Variants in NLRC5 observed in about 807,000 individuals in gnomAD.
NLRC5 encodes the protein protein NLRC5.
In NLRC5, 114 loss-of-function variants were observed where a neutral mutation model predicts 206.9. That is an observed-to-expected ratio of 0.55 (90% CI 0.47 to 0.64). NLRC5 has a LOEUF of 0.64. Ranked by LOEUF, NLRC5 falls within the 30% of genes least tolerant of loss-of-function variation. The pLI is 0.00. For synonymous variants in NLRC5, 952 were observed against 962.8 expected, an observed-to-expected ratio of 0.99 and a Z score of 0.21; for missense variants, 2,008 against 2,305.5, an observed-to-expected ratio of 0.87 and a Z score of 2.64.
Position 57,020,778 on chromosome 16 carries a change from C to T in NLRC5, c.66C>T (p.Thr22=), listed in dbSNP as rs1470028914. 6 of 1,612,932 alleles carry T rather than the reference C, an allele frequency of 3.7e-6. No homozygotes were observed. Among genetic ancestry groups the T allele is most frequent in the Non-Finnish European group, 4.2e-6 (5 of 1,179,804 alleles). ...NLWSCLVRLL[T]KDPEWLNAKM... is the part of the protein sequence containing the mutation. ...GGAGCTGTCTTGTGAGGCTGCTCAC[C>T]AAAGACCCAGAATGGCTGAACGCCA... is the stretch of plus-strand genomic sequence containing the variant. Residue 22 remains threonine, a synonymous_variant, in exon 3 of 49, where the codon ACC becomes ACT. Coordinates refer to ENST00000688547, the MANE Select transcript of NLRC5 (RefSeq NM_001384950.1).
chr16:57,075,773 C>T (rs1480690333), intron 39 of NLRC5, among the ~76,000 whole-genome samples: 1 of 152,134 alleles, frequency 6.6e-6, no homozygotes. Flanking sequence ...TCCAAGTACA[C>T]CTCCTACCCC....
chr16:56,994,791 A>C (rs1323803569), intron 1 of NLRC5, among the ~76,000 whole-genome samples: 1 of 152,132 alleles, frequency 6.6e-6, no homozygotes, highest in African/African-American at 2.4e-5. Context: ...GGAGAAGAGG[A>C]GAAAATGCTG....
In NLRC5 at chr16:57,033,553, C is replaced by T. The variant is rs565660650; in HGVS notation, c.2478-51C>T. ...AAGCCAAGGAAAGAGGCTTGATCCACCAGGCCCTAGATGCCTGAGCCCAGG... is the reference window on the plus strand; with the variant it reads ...AAGCCAAGGAAAGAGGCTTGATCCATCAGGCCCTAGATGCCTGAGCCCAGG... On this transcript the variant is annotated intron_variant, in intron 11 of 48. Transcript: ENST00000688547. 3.8e-6 allele frequency: 6 copies of T among 1,572,166 alleles called. No homozygotes were observed. In the African/African-American group the frequency reaches 5.4e-5, roughly 14 times the overall value.
At chr16:57,048,955 C>T (rs546732144) in intron 23 of NLRC5, among the ~76,000 whole-genome samples, 3 of 152,262 alleles carry the variant, frequency 2.0e-5, no homozygotes, top group South Asian at 2.1e-4. Flanking sequence ...TGCCACAGTA[C>T]GGGACGAGCT....
intron 1 of NLRC5, among the ~76,000 whole-genome samples, chr16:57,003,275 C>T (rs1472782977): frequency 6.6e-6 from 1 of 152,036 alleles, no homozygotes; most frequent in Non-Finnish European, 1.5e-5. Flanking sequence ...CTCTCAAACT[C>T]CGGACCTCAG....
intron 16 of NLRC5, 44 bp from the exon 17 acceptor site, chr16:57,040,606 G>A (rs375890948): frequency 6.2e-5 from 98 of 1,582,094 alleles, no homozygotes; most frequent in Non-Finnish European, 7.5e-5. Context: ...TGGAGATGGC[G>A]GACATGGCCT....
Position 57,044,444 on chromosome 16 carries a change from C to T in NLRC5, c.3203+840C>T, listed in dbSNP as rs568614792. Among the ~76,000 whole-genome samples the T allele has an allele frequency of 4.0e-4, 61 of 152,250 alleles. No individual in the cohort carries two copies. The South Asian group carries it at 0.013, about 32-fold the overall frequency. On this transcript the variant is annotated intron_variant, in intron 20 of 48. Transcript: ENST00000688547. ...GCCAAGCCACCCCAGGCACTCAGGG[C>T]ACCGCATCCATGATTTTCAGGGGAG... is the stretch of plus-strand genomic sequence containing the variant.
At chr16:57,078,660 G>A (rs1243002529) in intron 43 of NLRC5, among the ~76,000 whole-genome samples, 8 of 151,756 alleles carry the variant, frequency 5.3e-5, no homozygotes, top group Non-Finnish European at 8.8e-5. Context: ...TAGTAGAGAC[G>A]GCATTTCACC....
intron 23 of NLRC5, among the ~76,000 whole-genome samples, chr16:57,051,289 C>T (rs1327653163): frequency 1.3e-5 from 2 of 152,196 alleles, no homozygotes; most frequent in Non-Finnish European, 2.9e-5. Flanking sequence ...TGCACAGCAG[C>T]CTATCGCAGC....
rs1474299734 is a variant in NLRC5, at chr16:57,037,231, T to C, written c.2748T>C (p.His916=). ...ACGGGCTTTCTGTGGCCGGGGTGCA[T>C]TGTGTGCTGAGGGCCGTGAGTGCGT... ...SNNGLSVAGV[H]CVLRAVSACW... Residue 916 remains histidine, a synonymous_variant, in exon 15 of 49, where the codon CAT becomes CAC. Coordinates refer to ENST00000688547, the MANE Select transcript of NLRC5 (RefSeq NM_001384950.1). 10 of 1,613,640 alleles carry C rather than the reference T, an allele frequency of 6.2e-6. No homozygotes were observed. Among genetic ancestry groups the C allele is most frequent in the Non-Finnish European group, 8.5e-6 (10 of 1,179,940 alleles).
intron 13 of NLRC5, chr16:57,034,590 CAG>C: frequency 4.6e-6 from 1 of 215,232 alleles, no homozygotes; most frequent in South Asian, 8.3e-5. Flanking sequence ...GGTTCAAGCC[CAG>C]ACAGTCTGGC....
At chr16:57,079,484 A>G (rs2068857346) in intron 45 of NLRC5, 62 bp from the exon 46 acceptor site, 13 of 1,474,292 alleles carry the variant, frequency 8.8e-6, no homozygotes, top group Non-Finnish European at 1.1e-5. Flanking sequence ...TGGAGGCAGG[A>G]CCTGCTAGAT....
At position 57,026,952 on chromosome 16, in the gene NLRC5, A is replaced by C. The variant is rs199475975; in HGVS notation, c.2009A>C (p.Asp670Ala). Reference protein sequence around the residue: ...HREAPIHLDFDGCPLEPHCPE... With the variant: ...HREAPIHLDFAGCPLEPHCPE... ...GAGGCCCCCATCCACCTGGATTTTG[A>C]TGGCTGTCCCCTGGAGCCCCACTGC... is the stretch of plus-strand genomic sequence containing the variant. The change falls in exon 6 of 49, where the codon GAT (aspartate) becomes GCT (alanine). Residue 670 changes from aspartate (D) to alanine (A), a missense_variant. By Grantham distance (126) the Asp-to-Ala change is moderately radical. Coordinates refer to ENST00000688547, the MANE Select transcript of NLRC5 (RefSeq NM_001384950.1). 6.2e-7 allele frequency: 1 copy of C among 1,614,098 alleles called. No homozygotes were observed. Among genetic ancestry groups the C allele is most frequent in the African/African-American group, 1.3e-5 (1 of 75,028 alleles).
intron 27 of NLRC5, among the ~76,000 whole-genome samples, chr16:57,056,928 G>A (rs2056826736): frequency 1.3e-5 from 2 of 151,960 alleles, no homozygotes; most frequent in South Asian, 2.1e-4. Context: ...CAAAGTGCTG[G>A]GATTACAGCC....
chr16:57,005,944 T>C (rs1433282387), intron 1 of NLRC5, among the ~76,000 whole-genome samples: 1 of 151,528 alleles, frequency 6.6e-6, no homozygotes, highest in Admixed American at 6.6e-5. Flanking sequence ...AAAAAATTCC[T>C]TTCACTGGGG....
chr16:57,082,152 T>C (rs1347137110), intron 48 of NLRC5, among the ~76,000 whole-genome samples: 1 of 152,244 alleles, frequency 6.6e-6, no homozygotes, highest in Non-Finnish European at 1.5e-5. Flanking sequence ...AAAGAGGGTC[T>C]TTTCCTTATT....
At chr16:57,048,792 C>T (rs2064378502) in intron 23 of NLRC5, among the ~76,000 whole-genome samples, 1 of 152,198 alleles carries the variant, frequency 6.6e-6, no homozygotes, top group South Asian at 2.1e-4. Context: ...CCTCAGCCTC[C>T]CAAAGTGTTG....
rs573218457 is a variant in NLRC5 at position 57,050,378 on chromosome 16, G to A, written c.3423-1160G>A. Among the ~76,000 whole-genome samples, 5 of 152,324 alleles carry A rather than the reference G, an allele frequency of 3.3e-5. No homozygotes were observed. In the East Asian group the frequency reaches 5.8e-4, roughly 18 times the overall value. The stretch of plus-strand genomic sequence containing the variant: ...CCCCCAGCTCACTGAGCCAGTTGAT[G>A]TAGGGCCCCTGTACTCCATGCCTCC... On this transcript the variant is annotated intron_variant, in intron 23 of 48. Coordinates refer to ENST00000688547, the MANE Select transcript of NLRC5 (RefSeq NM_001384950.1).
intron 2 of NLRC5, among the ~76,000 whole-genome samples, chr16:57,018,955 A>C (rs1319009154): frequency 1.3e-5 from 2 of 152,220 alleles, no homozygotes; most frequent in Non-Finnish European, 2.9e-5. Flanking sequence ...TTTGCAATTA[A>C]ATATTGTATA....
Sources: allele counts gnomAD v4.1 joint callset (sites outside exome capture counted in the v4.1 genomes callset), GRCh38; gene constraint gnomAD v4.1.1; transcripts MANE v1.5; gene names NCBI Gene and HGNC (gene_info 2026-07-23, HGNC 2026-07-21).